Variants in TECTA observed in about 807,000 individuals in gnomAD.
TECTA encodes tectorin alpha.
TECTA carries 128 observed loss-of-function variants against 216.8 expected under a neutral mutation model. The observed-to-expected ratio is 0.59, with a 90% CI of 0.51 to 0.68. The LOEUF is 0.68. Among genes scored for constraint, TECTA ranks in the 30% least tolerant of loss-of-function variants. TECTA has a pLI of 0.00. For synonymous variants in TECTA, 1,089 were observed against 1,117.1 expected, an observed-to-expected ratio of 0.97 and a Z score of 0.50; for missense variants, 2,551 against 2,786.2, an observed-to-expected ratio of 0.92 and a Z score of 1.90.
chr11:121,105,988 G>T lies in TECTA; in HGVS notation c.198+24G>T. On this transcript the variant is annotated intron_variant, in intron 3 of 23. Coordinates refer to ENST00000392793, the MANE Select transcript of TECTA (RefSeq NM_005422.4). The surrounding 1 kb of genome is among the most constrained non-coding windows in gnomAD (Gnocchi z 5.3). ...ATGTAAGTGGAGAAGCAGCCCATCTGTTGTTCTCTGGCCCTCCCTTTTGTT... is the reference window on the plus strand; with the variant it reads ...ATGTAAGTGGAGAAGCAGCCCATCTTTTGTTCTCTGGCCCTCCCTTTTGTT... 1 of 1,614,126 alleles carries T rather than the reference G, an allele frequency of 6.2e-7. No homozygotes were observed. The highest frequency in any genetic ancestry group is 8.5e-7 in the Non-Finnish European group (1 of 1,180,014).
chr11:121,131,153 G>A (rs902761416), intron 10 of TECTA, among the ~76,000 whole-genome samples: 6 of 136,098 alleles, frequency 4.4e-5, no homozygotes, highest in African/African-American at 1.7e-4. Context: ...TGCGGAGCTT[G>A]CAGTGAGCCC....
At chr11:121,190,258 G>A (rs1947328526) in intron 23 of TECTA, 1 of 359,210 alleles carries the variant, frequency 2.8e-6, no homozygotes, top group African/African-American at 2.1e-5. Context: ...CCTCTTACAA[G>A]GTTGGCAGGA....
At chr11:121,126,600 A>T (rs1476096690) in intron 8 of TECTA, among the ~76,000 whole-genome samples, 2 of 152,200 alleles carry the variant, frequency 1.3e-5, no homozygotes, top group Non-Finnish European at 2.9e-5. Context: ...TTTTCTCCAT[A>T]TGAGTAAATA....
At chr11:121,109,756 A>C in intron 4 of TECTA, 1 of 487,464 alleles carries the variant, frequency 2.1e-6, no homozygotes, top group East Asian at 4.0e-5. Context: ...AACCCTCAAA[A>C]ACTTTCCTGC....
At chr11:121,136,597 A>G (rs1946729702) in intron 10 of TECTA, among the ~76,000 whole-genome samples, 1 of 152,208 alleles carries the variant, frequency 6.6e-6, no homozygotes, top group African/African-American at 2.4e-5. Context: ...TTGATAGATT[A>G]GATTATTAAC....
chr11:121,128,324 A>C lies in TECTA; in HGVS notation c.2347A>C (p.Ile783Leu), dbSNP rs1169478570. The change falls in exon 9 of 24, where the codon ATC becomes CTC. Residue 783 changes from isoleucine to leucine, a missense_variant. Physicochemically the swap from Ile to Leu is conservative, Grantham distance 5. This residue lies in a region of TECTA where 2,375 missense variants were observed against 2,563.9 expected (regional missense o/e 0.93). Transcript: ENST00000392793. Reference protein sequence around the residue: ...VADQEVKIGGIGASEVKLNGQ... With the variant: ...VADQEVKIGGLGASEVKLNGQ... Reference sequence around the variant, plus strand: ...CGACCAGGAGGTCAAGATAGGAGGCATCGGGGCTTCGGAAGTCAAGGTAAG... The same window carrying C: ...CGACCAGGAGGTCAAGATAGGAGGCCTCGGGGCTTCGGAAGTCAAGGTAAG... 5 of 1,599,522 alleles carry C rather than the reference A, an allele frequency of 3.1e-6. No homozygotes were observed. The highest frequency in any genetic ancestry group is 4.2e-6 in the Non-Finnish European group (5 of 1,179,954).
At chr11:121,153,530 C>T (rs191702259) in intron 13 of TECTA, among the ~76,000 whole-genome samples, 2 of 152,202 alleles carry the variant, frequency 1.3e-5, no homozygotes, top group Admixed American at 1.3e-4. Context: ...CTGAGTGGGG[C>T]GGACTTCCCT....
At chr11:121,135,149 C>T (rs1565525894) in intron 10 of TECTA, among the ~76,000 whole-genome samples, 3 of 152,164 alleles carry the variant, frequency 2.0e-5, no homozygotes, top group South Asian at 2.1e-4. Context: ...TTAATCTGGT[C>T]GGAGTCTTGC....
intron 17 of TECTA, among the ~76,000 whole-genome samples, chr11:121,165,708 G>A (rs952806060): frequency 6.6e-5 from 10 of 152,266 alleles, no homozygotes; most frequent in Non-Finnish European, 1.0e-4. Flanking sequence ...TAATTAGGAC[G>A]AATGTTATTT....
chr11:121,178,098 A>G (rs1202834995), intron 20 of TECTA, among the ~76,000 whole-genome samples: 1 of 152,208 alleles, frequency 6.6e-6, no homozygotes, highest in Non-Finnish European at 1.5e-5. Flanking sequence ...TTCTTTGACT[A>G]GGAAAGGGAA....
rs558185057 is a variant in TECTA at position 121,172,295 on chromosome 11, G to A, written c.5999+3370G>A. Among the ~76,000 whole-genome samples, 270 of 150,970 alleles carry A rather than the reference G, an allele frequency of 1.8e-3. 1 individual carries two copies. Among genetic ancestry groups the A allele is most frequent in the African/African-American group, 6.0e-3 (241 of 40,478 alleles). ...GCTGGTGTGCTGCACCCATTAACTCGTCATTTAGCATTAGGTGTATCTCCT... is the reference window on the plus strand; with the variant it reads ...GCTGGTGTGCTGCACCCATTAACTCATCATTTAGCATTAGGTGTATCTCCT... On this transcript the variant is annotated intron_variant, in intron 20 of 23. Transcript: ENST00000392793.
intron 16 of TECTA, among the ~76,000 whole-genome samples, 154 bp downstream of exon 16, chr11:121,162,524 C>T (rs774363115): frequency 3.3e-5 from 5 of 152,308 alleles, no homozygotes; most frequent in East Asian, 1.9e-4. Flanking sequence ...GAGCTGCAGC[C>T]GAGATTCAGT....
Position 121,105,054 on chromosome 11 carries a change from GA to G in TECTA, c.65-776del, listed in dbSNP as rs1946379132. Among the ~76,000 whole-genome samples the G allele has an allele frequency of 6.6e-6, 1 of 152,152 alleles. No individual in the cohort carries two copies. The highest frequency in any genetic ancestry group is 2.4e-5 in the African/African-American group (1 of 41,432). Reference sequence around the variant, plus strand: ...CTGAGCCACATCTTGCAACAGTATGGACGGGAAACCTGGGAGCAGCAAGCCA... The same window carrying G: ...CTGAGCCACATCTTGCAACAGTATGGCGGGAAACCTGGGAGCAGCAAGCCA... On this transcript the variant is annotated intron_variant, in intron 2 of 23. Coordinates refer to ENST00000392793, the MANE Select transcript of TECTA (RefSeq NM_005422.4). The surrounding 1 kb of genome is among the most constrained non-coding windows in gnomAD (Gnocchi z 5.3).
chr11:121,119,053 G>A (rs12280641), intron 7 of TECTA, among the ~76,000 whole-genome samples: 35,478 of 149,844 alleles, frequency 0.24, 5,008 homozygotes, highest in African/African-American at 0.39. Flanking sequence ...CAGAAAAACT[G>A]GAAAGAGATA....
At chr11:121,141,506 G>A (rs1946783417) in intron 11 of TECTA, among the ~76,000 whole-genome samples, 1 of 152,188 alleles carries the variant, frequency 6.6e-6, no homozygotes, top group African/African-American at 2.4e-5. Context: ...AGACAGGGTA[G>A]GGGGGTGAGC....
chr11:121,120,386 A>G (rs1487310156), intron 7 of TECTA, among the ~76,000 whole-genome samples: 2 of 152,242 alleles, frequency 1.3e-5, no homozygotes, highest in Non-Finnish European at 2.9e-5. Flanking sequence ...ATGGTTTCCA[A>G]GCGTCTCTGA....
At chr11:121,141,872 C>T (rs893092556) in intron 11 of TECTA, among the ~76,000 whole-genome samples, 4 of 152,208 alleles carry the variant, frequency 2.6e-5, no homozygotes, top group African/African-American at 9.6e-5. Flanking sequence ...AAGAGACAGA[C>T]ATTGGCAGTT....
In TECTA at chr11:121,160,103, C is replaced by T. The variant is rs535224147; in HGVS notation, c.4690-32C>T. 20 of 1,614,020 alleles carry T rather than the reference C, an allele frequency of 1.2e-5. No individual in the cohort carries two copies. In the African/African-American group the frequency reaches 1.9e-4, roughly 15 times the overall value. On this transcript the variant is annotated intron_variant, in intron 14 of 23. Transcript: ENST00000392793. Reference sequence around the variant, plus strand: ...CAAGTTTGCCAACACCTACTCTAAGCGTAATTATTTTCTTTTTTCCTCCTC... The same window carrying T: ...CAAGTTTGCCAACACCTACTCTAAGTGTAATTATTTTCTTTTTTCCTCCTC...
At chr11:121,106,653 A>G (rs1946392902) in intron 3 of TECTA, among the ~76,000 whole-genome samples, 1 of 152,126 alleles carries the variant, frequency 6.6e-6, no homozygotes, top group Non-Finnish European at 1.5e-5. Context: ...TGTTGGCCTT[A>G]AAGAACTGGG....
Sources: allele counts gnomAD v4.1 joint callset (sites outside exome capture counted in the v4.1 genomes callset), GRCh38; gene constraint gnomAD v4.1.1; regional missense constraint gnomAD v4.1.1; non-coding constraint Gnocchi (gnomAD v3.1); transcripts MANE v1.5; gene names NCBI Gene and HGNC (gene_info 2026-07-23, HGNC 2026-07-21).